The following ITGA8 variants were observed in gnomAD, a reference collection of about 807,000 sequenced individuals.
The protein encoded by ITGA8 is integrin subunit alpha 8, also known as integrin alpha-8.
A neutral mutation model predicts 142.3 loss-of-function variants in ITGA8; 91 were observed. The ratio of observed to expected loss-of-function variants is 0.64; its 90% CI spans 0.54 to 0.76. The LOEUF is 0.76. ITGA8 is among the 30% of genes least tolerant of loss of function. The pLI is 0.00. For missense variants in ITGA8, 1,406 were observed against 1,327.7 expected, an observed-to-expected ratio of 1.06 and a Z score of -0.92; for synonymous variants, 505 against 485.2, an observed-to-expected ratio of 1.04 and a Z score of -0.54.
chr10:15,707,665 A>G (rs926533651), intron 2 of ITGA8, among the ~76,000 whole-genome samples: 11 of 152,040 alleles, frequency 7.2e-5, no homozygotes, highest in Non-Finnish European at 1.6e-4. Context: ...TCTACTAAAA[A>G]TACAAAAATT....
chr10:15,587,802 A>G (rs7086769), intron 22 of ITGA8, among the ~76,000 whole-genome samples: 2,633 of 152,312 alleles, frequency 0.017, 86 homozygotes, highest in African/African-American at 0.06. Flanking sequence ...TTTTCTCTCC[A>G]GCAAATATAA....
At chr10:15,686,134 G>A (rs1834829440) in intron 3 of ITGA8, among the ~76,000 whole-genome samples, 1 of 152,182 alleles carries the variant, frequency 6.6e-6, no homozygotes, top group Non-Finnish European at 1.5e-5. Flanking sequence ...AGTGAAAAAA[G>A]ATTCCAATTT....
At chr10:15,546,024 C>G (rs1564345002) in intron 27 of ITGA8, among the ~76,000 whole-genome samples, 1 of 152,156 alleles carries the variant, frequency 6.6e-6, no homozygotes, top group Non-Finnish European at 1.5e-5. Flanking sequence ...CTAAAGTGTT[C>G]TGGCCTCAGG....
intron 2 of ITGA8, among the ~76,000 whole-genome samples, chr10:15,714,371 T>C (rs1328505368): frequency 1.3e-5 from 2 of 152,198 alleles, no homozygotes; most frequent in African/African-American, 4.8e-5. Flanking sequence ...TTTTAAACTC[T>C]TTAAGACATA....
intron 13 of ITGA8, among the ~76,000 whole-genome samples, chr10:15,632,304 G>A (rs898103787): frequency 6.6e-6 from 1 of 152,104 alleles, no homozygotes; most frequent in Non-Finnish European, 1.5e-5. Flanking sequence ...GTACTCAGAG[G>A]TTTTCACAAC....
At chr10:15,623,922 T>C (rs564023186) in intron 13 of ITGA8, among the ~76,000 whole-genome samples, 1 of 152,248 alleles carries the variant, frequency 6.6e-6, no homozygotes, top group African/African-American at 2.4e-5. Context: ...CAGAACGTCA[T>C]ATAAATGGAG....
At chr10:15,666,991 T>C (rs1834407236) in intron 8 of ITGA8, among the ~76,000 whole-genome samples, 1 of 152,222 alleles carries the variant, frequency 6.6e-6, no homozygotes, top group African/African-American at 2.4e-5. Context: ...TGTTTTGTTG[T>C]GTCTCTGCCT....
intron 23 of ITGA8, among the ~76,000 whole-genome samples, chr10:15,579,096 A>C (rs7069427): frequency 1.3e-5 from 2 of 152,254 alleles, no homozygotes; most frequent in African/African-American, 4.8e-5. Context: ...GAGACGGAAC[A>C]TGGAAGATTT....
At chr10:15,537,971 C>T (rs1167184961) in intron 27 of ITGA8, among the ~76,000 whole-genome samples, 1 of 135,704 alleles carries the variant, frequency 7.4e-6, no homozygotes, top group Non-Finnish European at 1.5e-5. Flanking sequence ...CAAAACAAAA[C>T]AAAAAAAAAA....
At chr10:15,532,427 A>AG (rs1833324842) in intron 27 of ITGA8, among the ~76,000 whole-genome samples, 2 of 147,352 alleles carry the variant, frequency 1.4e-5, no homozygotes, top group Non-Finnish European at 1.5e-5. Context: ...TCAAAAAAAA[A>AG]AAAAAAAAAA....
At chr10:15,668,833 T>C (rs576075605) in intron 8 of ITGA8, among the ~76,000 whole-genome samples, 26 of 152,370 alleles carry the variant, frequency 1.7e-4, no homozygotes, top group Admixed American at 3.9e-4. Flanking sequence ...TCTTTAAGAA[T>C]GTTGACTATT....
chr10:15,646,578 T>G (rs945492704), intron 12 of ITGA8, among the ~76,000 whole-genome samples: 2 of 152,218 alleles, frequency 1.3e-5, no homozygotes, highest in South Asian at 4.1e-4. Flanking sequence ...ACAAATTATG[T>G]TACAGATTTT....
At chr10:15,608,582 T>C (rs1426728579) in intron 15 of ITGA8, among the ~76,000 whole-genome samples, 1 of 152,128 alleles carries the variant, frequency 6.6e-6, no homozygotes, top group Non-Finnish European at 1.5e-5. Context: ...TTTTATTCAA[T>C]GAATACAGGT....
At chr10:15,659,082 A>T in intron 9 of ITGA8, 27 bp from the exon 10 acceptor site, 1 of 1,533,558 alleles carries the variant, frequency 6.5e-7, no homozygotes, top group East Asian at 2.3e-5. Context: ...TAAACAGGTT[A>T]CACCATTTGC....
intron 4 of ITGA8, among the ~76,000 whole-genome samples, chr10:15,683,631 G>A (rs1834782205): frequency 6.6e-6 from 1 of 152,184 alleles, no homozygotes; most frequent in South Asian, 2.1e-4. Flanking sequence ...CATATGCCCA[G>A]GTCCAACCAT....
chr10:15,638,130 AC>A (rs1163098386), intron 13 of ITGA8, among the ~76,000 whole-genome samples: 1 of 152,178 alleles, frequency 6.6e-6, no homozygotes, highest in African/African-American at 2.4e-5. Context: ...AGACTAAAAA[AC>A]TAGTCCTGAT....
intron 13 of ITGA8, among the ~76,000 whole-genome samples, chr10:15,620,440 T>G (rs1465515695): frequency 6.6e-6 from 1 of 152,226 alleles, no homozygotes; most frequent in Non-Finnish European, 1.5e-5. Flanking sequence ...CATGGGCTTT[T>G]CCTTTAGGAA....
chr10:15,553,302 G>GTTTTTTTTTTTTTTTTTTTTTTTTTA (rs5783451), intron 26 of ITGA8, among the ~76,000 whole-genome samples: 1 of 131,140 alleles, frequency 7.6e-6, no homozygotes, highest in Non-Finnish European at 1.7e-5. Context: ...AGTTGCCATA[G>GTTTTTTTTTTTTTTTTTTTTTTTTTA]TTTTTTTTTT....
At chr10:15,716,264 A>G (rs1369052404) in intron 2 of ITGA8, among the ~76,000 whole-genome samples, 1 of 152,190 alleles carries the variant, frequency 6.6e-6, no homozygotes, top group African/African-American at 2.4e-5. Context: ...TTATGATTGT[A>G]GTTGATAAGT....
Sources: allele counts gnomAD v4.1 joint callset (sites outside exome capture counted in the v4.1 genomes callset), GRCh38; gene constraint gnomAD v4.1.1; transcripts MANE v1.5; gene names NCBI Gene and HGNC (gene_info 2026-07-23, HGNC 2026-07-21).